Variants in RNGTT observed in about 807,000 individuals in gnomAD.
RNGTT encodes mRNA-capping enzyme.
RNGTT carries 33 observed loss-of-function variants against 79.3 expected under a neutral mutation model. That is an observed-to-expected ratio of 0.42 (90% CI 0.32 to 0.56). RNGTT has a LOEUF of 0.56. Ranked by LOEUF, RNGTT falls within the 20% of genes least tolerant of loss-of-function variation. The pLI is 0.17. For synonymous variants in RNGTT, 222 were observed against 235.9 expected (o/e 0.94, Z 0.54); for missense variants, 497 against 739.1 (o/e 0.67, Z 3.80).
At chr6:88,915,576 C>T (rs150922938) in intron 4 of RNGTT, among the ~76,000 whole-genome samples, 201 of 152,232 alleles carry the variant, frequency 1.3e-3, no homozygotes, top group African/African-American at 4.6e-3. Flanking sequence ...TGGGTACACA[C>T]AGACATAAAG....
intron 8 of RNGTT, among the ~76,000 whole-genome samples, chr6:88,869,941 A>G (rs192649127): frequency 1.5e-3 from 231 of 152,240 alleles, no homozygotes; most frequent in Non-Finnish European, 2.2e-3. Context: ...AAAAGACCTA[A>G]ATGCCATTCT....
intron 13 of RNGTT, among the ~76,000 whole-genome samples, chr6:88,750,880 T>G (rs1361258243): frequency 6.6e-6 from 1 of 152,160 alleles, no homozygotes; most frequent in Non-Finnish European, 1.5e-5. Context: ...ATATATAAAA[T>G]TGTCTAGGCT....
Position 88,678,400 on chromosome 6 carries a change from C to A in RNGTT, c.1459G>T (p.Gly487Cys). 7.0e-7 allele frequency: 1 copy of A among 1,431,314 alleles called. No homozygotes were observed. Among genetic ancestry groups the A allele is most frequent in the East Asian group, 2.5e-5 (1 of 40,292 alleles). The allele number at this position is 1,431,314 out of a possible 1,614,324, so 88.7% of individuals were successfully genotyped here. The part of the protein sequence containing the change: ...GGEGLLPQNV[G>C]LLYVGGYERP... ...TCATAACCTCCAACATACAGGAGGC[C>A]AACATTCTGAGGAAGTAACCTACAA... Residue 487 changes from glycine (G) to cysteine (C), a missense_variant, in exon 14 of 16, where the codon GGC (glycine) becomes TGC (cysteine). Around this residue, in one of 3 missense-constraint regions of RNGTT, gnomAD observed 440 missense variants for 671.5 expected, o/e 0.66. Coordinates refer to ENST00000369485, the MANE Select transcript of RNGTT (RefSeq NM_003800.5).
chr6:88,750,372 C>T (rs76939926), intron 13 of RNGTT, among the ~76,000 whole-genome samples: 12,303 of 152,030 alleles, frequency 0.081, 761 homozygotes, highest in Non-Finnish European at 0.12. Context: ...GTTTGAATAA[C>T]GATCATGTCT....
chr6:88,727,119 G>T (rs574574930), intron 13 of RNGTT, among the ~76,000 whole-genome samples: 220 of 151,986 alleles, frequency 1.4e-3, no homozygotes, highest in Non-Finnish European at 2.6e-3. Flanking sequence ...GCATGTCAAA[G>T]AATTGTAAAA....
At chr6:88,653,750 T>C (rs1773878513) in intron 14 of RNGTT, among the ~76,000 whole-genome samples, 1 of 152,200 alleles carries the variant, frequency 6.6e-6, no homozygotes, top group South Asian at 2.1e-4. Flanking sequence ...AAAGCCCACT[T>C]GGCTTTCCAG....
intron 12 of RNGTT, among the ~76,000 whole-genome samples, chr6:88,793,035 T>A (rs1313294875): frequency 6.6e-6 from 1 of 152,206 alleles, no homozygotes; most frequent in Non-Finnish European, 1.5e-5. Context: ...GACATGTGAT[T>A]ATGTACCACA....
chr6:88,811,622 A>T (rs1173233225), intron 11 of RNGTT, among the ~76,000 whole-genome samples: 2 of 152,216 alleles, frequency 1.3e-5, no homozygotes, highest in Non-Finnish European at 2.9e-5. Flanking sequence ...AAAAATAATA[A>T]GCAAAATGAC....
At chr6:88,906,333 A>C in intron 5 of RNGTT, 32 bp downstream of exon 5, 1 of 1,404,368 alleles carries the variant, frequency 7.1e-7, no homozygotes, top group Non-Finnish European at 9.8e-7. Flanking sequence ...TTATTACAAA[A>C]TACATCTTCC....
intron 11 of RNGTT, among the ~76,000 whole-genome samples, chr6:88,807,239 C>T (rs534128657): frequency 1.3e-5 from 2 of 152,142 alleles, no homozygotes; most frequent in South Asian, 4.2e-4. Context: ...GTACCCTGAA[C>T]TTAAAAGTTG....
chr6:88,817,939 T>C (rs1193335740), intron 11 of RNGTT, among the ~76,000 whole-genome samples: 3 of 151,698 alleles, frequency 2.0e-5, no homozygotes, highest in Non-Finnish European at 2.9e-5. Flanking sequence ...TTTTGTACTT[T>C]TAGTAGAAAC....
chr6:88,862,550 A>G (rs1782048542), intron 8 of RNGTT, among the ~76,000 whole-genome samples: 1 of 152,186 alleles, frequency 6.6e-6, no homozygotes, highest in Non-Finnish European at 1.5e-5. Context: ...GTTTCCCTGA[A>G]TTCTGTGAGT....
At chr6:88,662,497 T>C (rs1280353476) in intron 14 of RNGTT, among the ~76,000 whole-genome samples, 1 of 152,218 alleles carries the variant, frequency 6.6e-6, no homozygotes, top group Non-Finnish European at 1.5e-5. Flanking sequence ...GCTCAGATCA[T>C]GAGATGCGAG....
intron 12 of RNGTT, among the ~76,000 whole-genome samples, chr6:88,797,572 A>C (rs1008217543): frequency 1.3e-5 from 2 of 152,148 alleles, no homozygotes; most frequent in East Asian, 3.8e-4. Flanking sequence ...ATTTGACTGC[A>C]TTGATAAAAA....
chr6:88,851,675 A>T (rs1220902508), intron 9 of RNGTT, among the ~76,000 whole-genome samples: 1 of 152,100 alleles, frequency 6.6e-6, no homozygotes, highest in African/African-American at 2.4e-5. Flanking sequence ...CAATGCTCAC[A>T]TCTGACAGTC....
chr6:88,856,046 C>G (rs1490566071), intron 8 of RNGTT, among the ~76,000 whole-genome samples: 1 of 152,120 alleles, frequency 6.6e-6, no homozygotes, highest in Non-Finnish European at 1.5e-5. Flanking sequence ...AAGGGTATTT[C>G]AAGGCAAATA....
chr6:88,926,983 C>T (rs916683769), intron 4 of RNGTT, among the ~76,000 whole-genome samples: 1 of 151,914 alleles, frequency 6.6e-6, no homozygotes, highest in African/African-American at 2.4e-5. Flanking sequence ...TCAATATATC[C>T]CCAAATTTTC....
chr6:88,621,219 G>A (rs1268091213), intron 14 of RNGTT, among the ~76,000 whole-genome samples: 1 of 152,110 alleles, frequency 6.6e-6, no homozygotes, highest in African/African-American at 2.4e-5. Flanking sequence ...ATCAACCAGA[G>A]TATGAAGAAC....
chr6:88,929,658 C>T (rs1334632817), intron 2 of RNGTT, among the ~76,000 whole-genome samples: 1 of 152,002 alleles, frequency 6.6e-6, no homozygotes, highest in Non-Finnish European at 1.5e-5. Context: ...CTGAAGTATA[C>T]CACAACTCAA....
Sources: gnomAD v4.1 joint callset for allele counts (sites outside exome capture counted in the v4.1 genomes callset) on GRCh38, gnomAD v4.1.1 for gene constraint, gnomAD v4.1.1 regional missense constraint, MANE v1.5 for transcripts, NCBI Gene and HGNC (gene_info 2026-07-23, HGNC 2026-07-21) for gene names.